Variants in PAFAH1B1 observed in about 807,000 individuals in gnomAD.
PAFAH1B1 encodes the protein platelet-activating factor acetylhydrolase IB subunit beta.
A neutral mutation model predicts 57.5 loss-of-function variants in PAFAH1B1; 2 were observed. The observed-to-expected ratio is 0.03, with a 90% CI of 0.01 to 0.11. PAFAH1B1 has a LOEUF of 0.11. Among genes scored for constraint, PAFAH1B1 ranks in the 10% least tolerant of loss-of-function variants. The pLI, the probability that PAFAH1B1 is intolerant of heterozygous loss-of-function variation, is 1.00. For missense variants in PAFAH1B1, 257 were observed against 512.0 expected, an observed-to-expected ratio of 0.50 and a Z score of 4.81; for synonymous variants, 152 against 169.6, an observed-to-expected ratio of 0.90 and a Z score of 0.81.
chr17:2,662,206 A>C (rs918127824), intron 2 of PAFAH1B1, among the ~76,000 whole-genome samples: 1 of 152,148 alleles, frequency 6.6e-6, no homozygotes, highest in Non-Finnish European at 1.5e-5. Context: ...ATAAACTTGT[A>C]ATAGTTTAGA....
intron 1 of PAFAH1B1, among the ~76,000 whole-genome samples, chr17:2,619,542 T>TTTTG (rs1476994323): frequency 9.7e-6 from 1 of 103,156 alleles, no homozygotes. Flanking sequence ...ACCTGTTTTT[T>TTTTG]TTTTGTTTTT....
intron 8 of PAFAH1B1, chr17:2,676,249 G>T: frequency 2.4e-6 from 1 of 414,284 alleles, no homozygotes. Flanking sequence ...GTGGTGGTGC[G>T]TGCCTGTAAT....
chr17:2,601,240 T>A (rs1329164826), intron 1 of PAFAH1B1, among the ~76,000 whole-genome samples: 1 of 151,924 alleles, frequency 6.6e-6, no homozygotes, highest in Non-Finnish European at 1.5e-5. Flanking sequence ...GTTCAAGTGA[T>A]TTTCCTGCCT....
intron 2 of PAFAH1B1, among the ~76,000 whole-genome samples, chr17:2,639,128 G>A (rs1401193870): frequency 6.7e-6 from 1 of 150,338 alleles, no homozygotes; most frequent in African/African-American, 2.4e-5. Flanking sequence ...TCAATCTCCT[G>A]ACCTCGTGAT....
At chr17:2,613,250 G>A in intron 1 of PAFAH1B1, 1 of 182,692 alleles carries the variant, frequency 5.5e-6, no homozygotes. Flanking sequence ...AGTTTGTGTG[G>A]CCCCACCCCC....
chr17:2,644,898 G>A lies in PAFAH1B1; in HGVS notation c.32+6578G>A, dbSNP rs543679270. ...ATTTGAATAAAAATAAAGTGAAAGA[G>A]GAGAACCTAATTTCAGATGACTAAA... On this transcript the variant is annotated intron_variant, in intron 2 of 10. Coordinates refer to ENST00000397195, the MANE Select transcript of PAFAH1B1 (RefSeq NM_000430.4). Among the ~76,000 whole-genome samples the A allele has an allele frequency of 5.9e-5, 9 of 152,238 alleles. No homozygotes were observed. In the East Asian group the frequency reaches 1.5e-3, roughly 26 times the overall value.
intron 2 of PAFAH1B1, chr17:2,638,532 T>G: frequency 2.0e-6 from 1 of 509,732 alleles, no homozygotes; most frequent in Admixed American, 3.5e-5. Context: ...TGAGAAGGAG[T>G]TTTTCGCTTT....
At chr17:2,660,795 T>G (rs2069004059) in intron 2 of PAFAH1B1, among the ~76,000 whole-genome samples, 1 of 152,212 alleles carries the variant, frequency 6.6e-6, no homozygotes, top group Non-Finnish European at 1.5e-5. Context: ...TCAAATGGTA[T>G]TTCTGCTTCT....
chr17:2,632,778 G>A (rs1005012569), intron 1 of PAFAH1B1, among the ~76,000 whole-genome samples: 1 of 152,146 alleles, frequency 6.6e-6, no homozygotes, highest in Non-Finnish European at 1.5e-5. Flanking sequence ...GGGAAGATAT[G>A]CATAGGTTAT....
chr17:2,667,857 A>G (rs1404176752), intron 5 of PAFAH1B1, among the ~76,000 whole-genome samples: 1 of 151,840 alleles, frequency 6.6e-6, no homozygotes, highest in East Asian at 1.9e-4. Flanking sequence ...TGCTTTTTTA[A>G]TTAGGAAAAG....
chr17:2,681,486 G>A (rs1342696373), intron 10 of PAFAH1B1: 11 of 469,040 alleles, frequency 2.3e-5, no homozygotes, highest in Non-Finnish European at 3.5e-5. Flanking sequence ...GTTGGGACCG[G>A]GCAGGGTCTT....
In PAFAH1B1 at chr17:2,681,840, G is replaced by A. The variant is rs760974726; in HGVS notation, c.*38G>A. On this transcript the variant is annotated 3_prime_UTR_variant, in exon 11 of 11. Coordinates refer to ENST00000397195, the MANE Select transcript of PAFAH1B1 (RefSeq NM_000430.4). ...CGGCCCCTCCTCCCTCTTTTCCTCT[G>A]GATGCACTCTGATGATACCATGGTT... is the stretch of plus-strand genomic sequence containing the variant. 3.7e-5 allele frequency: 53 copies of A among 1,450,630 alleles called. No individual in the cohort carries two copies. Among genetic ancestry groups the A allele is most frequent in the Non-Finnish European group, 4.9e-5 (51 of 1,034,922 alleles). 89.9% of individuals were successfully genotyped at this position (1,450,630 alleles called of 1,614,324 possible). A position where few individuals can be genotyped will look rare whatever the true frequency, so the allele number is the denominator to read the frequency against.
At chr17:2,663,918 C>T (rs1201865031) in intron 2 of PAFAH1B1, among the ~76,000 whole-genome samples, 13 of 151,944 alleles carry the variant, frequency 8.6e-5, no homozygotes, top group Admixed American at 8.5e-4. Flanking sequence ...TGGTCTCGAG[C>T]TCCCGACCTC....
intron 1 of PAFAH1B1, among the ~76,000 whole-genome samples, chr17:2,623,316 C>A (rs1159991320): frequency 7.8e-6 from 1 of 128,736 alleles, no homozygotes; most frequent in Non-Finnish European, 1.5e-5. Context: ...GTCGCCCGGG[C>A]TGGAGTGCAG....
In PAFAH1B1 at chr17:2,606,405, G is replaced by A. The variant is rs183901309; in HGVS notation, c.-191+12399G>A. Among the ~76,000 whole-genome samples, 13 of 151,778 alleles carry A rather than the reference G, an allele frequency of 8.6e-5. No homozygotes were observed. The East Asian group carries it at 1.9e-3, about 23-fold the overall frequency. On this transcript the variant is annotated intron_variant, in intron 1 of 10. Transcript: ENST00000397195. ...TTGGAGACGAAGTTTCACTCTTGTC[G>A]CCCAGGCTGGAGTGCAATGACGCTA... is the stretch of plus-strand genomic sequence containing the variant.
At chr17:2,594,809 C>T (rs544391821) in intron 1 of PAFAH1B1, among the ~76,000 whole-genome samples, 60 of 152,330 alleles carry the variant, frequency 3.9e-4, no homozygotes, top group African/African-American at 1.3e-3. Flanking sequence ...TCTCCCTGCC[C>T]CTTTGGGAAA....
Position 2,600,391 on chromosome 17 carries a change from G to A in PAFAH1B1, c.-191+6385G>A, listed in dbSNP as rs543677182. ...TCCAGACCAGCCTGGCCAATGTGGTGAAACCCTGTCTCTACTAAAAATACA... is the reference window on the plus strand; with the variant it reads ...TCCAGACCAGCCTGGCCAATGTGGTAAAACCCTGTCTCTACTAAAAATACA... On this transcript the variant is annotated intron_variant, in intron 1 of 10. Coordinates refer to ENST00000397195, the MANE Select transcript of PAFAH1B1 (RefSeq NM_000430.4). Among the ~76,000 whole-genome samples, 88 of 151,880 alleles carry A rather than the reference G, an allele frequency of 5.8e-4. 2 individuals are homozygous for A. The highest frequency in any genetic ancestry group is 2.0e-3 in the African/African-American group (85 of 41,480).
chr17:2,596,607 G>C (rs987818616), intron 1 of PAFAH1B1, among the ~76,000 whole-genome samples: 1 of 152,112 alleles, frequency 6.6e-6, no homozygotes, highest in African/African-American at 2.4e-5. Flanking sequence ...CCTTATGAAT[G>C]CTTGTCAGTG....
At chr17:2,654,207 T>A (rs76177993) in intron 2 of PAFAH1B1, among the ~76,000 whole-genome samples, 3 of 102,774 alleles carry the variant, frequency 2.9e-5, no homozygotes, top group African/African-American at 3.6e-5. Flanking sequence ...TTTTTTTTTT[T>A]AAAGACAGTT....
Sources: gnomAD v4.1 joint callset for allele counts (sites outside exome capture counted in the v4.1 genomes callset) on GRCh38, gnomAD v4.1.1 for gene constraint, MANE v1.5 for transcripts, NCBI Gene and HGNC (gene_info 2026-07-23, HGNC 2026-07-21) for gene names.